Variants in ODF4 observed in about 807,000 individuals in gnomAD.
The protein encoded by ODF4 is outer dense fiber of sperm tails 4.
Under a neutral mutation model 17.0 loss-of-function variants are expected in ODF4, and 11 were observed. The observed-to-expected ratio is 0.65, with a 90% CI of 0.41 to 1.07. The LOEUF is 1.07. Ranked by LOEUF, ODF4 falls within the 50% of genes least tolerant of loss-of-function variation. The probability of loss-of-function intolerance (pLI) is 0.00; values close to 1 mark genes in which losing one functional copy is unlikely to be tolerated. For missense variants in ODF4, 281 were observed against 310.2 expected (o/e 0.91, Z 0.71); for synonymous variants, 127 against 121.8 (o/e 1.04, Z -0.28).
chr17:8,342,671 C>G (rs976782819), intron 1 of ODF4, among the ~76,000 whole-genome samples: 2 of 152,132 alleles, frequency 1.3e-5, no homozygotes, highest in African/African-American at 4.8e-5. Flanking sequence ...TATCCAGTCT[C>G]CCTCCCTAGT....
rs762818641 is a variant in ODF4, at chr17:8,340,271, C to T, written c.220C>T (p.His74Tyr). 1 of 1,614,104 alleles carries T rather than the reference C, an allele frequency of 6.2e-7. No homozygotes were observed. Among genetic ancestry groups the T allele is most frequent in the South Asian group, 1.1e-5 (1 of 91,078 alleles). Residue 74 changes from histidine to tyrosine, a missense_variant, in exon 1 of 3, where the codon CAC becomes TAC. His to Tyr is a moderately conservative substitution (Grantham distance 83). Transcript: ENST00000328248. ...GCTGCCCTTTCAATGGAGAATCACA[C>T]ACAGCTTCCGCTGGATGGCCCAGGT... is the stretch of plus-strand genomic sequence containing the variant. ...SPLPFQWRITHSFRWMAQVLA... is the reference protein window; with the variant it reads ...SPLPFQWRITYSFRWMAQVLA...
chr17:8,344,381 A>C (rs1228484058), intron 1 of ODF4, among the ~76,000 whole-genome samples: 1 of 129,266 alleles, frequency 7.7e-6, no homozygotes, highest in African/African-American at 3.2e-5. Context: ...TGAGGTTATC[A>C]AACAATATCC....
Position 8,340,312 on chromosome 17 carries a change from C to T in ODF4, c.261C>T (p.Leu87=). 1 of 1,613,436 alleles carries T rather than the reference C, an allele frequency of 6.2e-7. No homozygotes were observed. Among genetic ancestry groups the T allele is most frequent in the Non-Finnish European group, 8.5e-7 (1 of 1,179,724 alleles). Residue 87 remains leucine, a synonymous_variant, in exon 1 of 3, where the codon CTC becomes CTT. Transcript: ENST00000328248. ...RWMAQVLASE[L]SLVAFILLLV... ...TGGCCCAGGTGTTGGCCTCTGAGCT[C>T]AGCCTGGTTGCCTTTATCCTACTAT...
At chr17:8,343,266 A>C (rs1429037681) in intron 1 of ODF4, among the ~76,000 whole-genome samples, 1 of 150,888 alleles carries the variant, frequency 6.6e-6, no homozygotes, top group Non-Finnish European at 1.5e-5. Flanking sequence ...CCAGTAGCTG[A>C]GACTACAGAC....
In ODF4 at chr17:8,345,737, C is replaced by T. The variant is rs752511137; in HGVS notation, c.659C>T (p.Ser220Phe). The T allele has an allele frequency of 2.5e-6, 4 of 1,614,068 alleles. No homozygotes were observed. The Admixed American group carries it at 6.7e-5, about 27-fold the overall frequency. ...CTGAGCCACCCCAGTGGTGCCGTGT[C>T]CTGCAGCAGCAGTTTCGGCTCAGTA... ...LILSHPSGAV[S>F]CSSSFGSVEE... is the part of the protein sequence containing the mutation. The change falls in exon 3 of 3, where the codon TCC becomes TTC. Residue 220 changes from serine to phenylalanine, a missense_variant. Transcript: ENST00000328248. The surrounding 1 kb of genome is among the most constrained non-coding windows in gnomAD (Gnocchi z 4.1).
chr17:8,345,415 C>T lies in ODF4; in HGVS notation c.527C>T (p.Ser176Phe), dbSNP rs199652449. The T allele has an allele frequency of 1.2e-6, 2 of 1,613,344 alleles. No homozygotes were observed. The highest frequency in any genetic ancestry group is 4.5e-5 in the East Asian group (2 of 44,884). Residue 176 changes from serine to phenylalanine, a missense_variant, in exon 2 of 3, where the codon TCC becomes TTC. Ser to Phe is a radical substitution (Grantham distance 155). Transcript: ENST00000328248. The surrounding 1 kb of genome is among the most constrained non-coding windows in gnomAD (Gnocchi z 4.1). ...IWIFELERNV[S>F]IPIGWSYFIG... ...ATCTTCGAGTTGGAAAGGAATGTAT[C>T]CATCCCCATAGGCTGGAGCTATTTC...
Sources: allele counts gnomAD v4.1 joint callset (sites outside exome capture counted in the v4.1 genomes callset), GRCh38; gene constraint gnomAD v4.1.1; non-coding constraint Gnocchi (gnomAD v3.1); transcripts MANE v1.5; gene names NCBI Gene and HGNC (gene_info 2026-07-23, HGNC 2026-07-21).